COL5A2: variants seen among roughly 807,000 people sequenced by gnomAD.
COL5A2 encodes collagen alpha-2(V) chain.
In COL5A2, 23 loss-of-function variants were observed where a neutral mutation model predicts 208.2. That is an observed-to-expected ratio of 0.11 (90% CI 0.08 to 0.16). The LOEUF is 0.16. Among genes scored for constraint, COL5A2 ranks in the 10% least tolerant of loss-of-function variants. COL5A2 has a pLI of 1.00. For synonymous variants in COL5A2, 625 were observed against 628.5 expected (o/e 0.99, Z 0.08); for missense variants, 1,590 against 1,956.4 (o/e 0.81, Z 3.53).
chr2:189,058,791 C>T (rs376162465), intron 32 of COL5A2, 58 bp downstream of exon 32: 14 of 1,456,928 alleles, frequency 9.6e-6, no homozygotes, highest in Admixed American at 1.7e-5. Context: ...TTAAAAGACA[C>T]CTTTTAAAAC....
chr2:189,254,060 C>T, the COL5A2 span, among the ~76,000 whole-genome samples: 1 of 152,222 alleles, frequency 6.6e-6, no homozygotes, highest in Non-Finnish European at 1.5e-5. Context: ...TCAATACTTA[C>T]TTCTAATGTT....
chr2:189,396,969 C>T, the COL5A2 span, among the ~76,000 whole-genome samples: 34 of 125,150 alleles, frequency 2.7e-4, no homozygotes, highest in African/African-American at 9.2e-4. Context: ...ACAGCCTGGG[C>T]GACAGAGCAA....
chr2:189,090,685 A>G (rs1166445757), intron 7 of COL5A2, among the ~76,000 whole-genome samples: 3 of 152,210 alleles, frequency 2.0e-5, no homozygotes, highest in African/African-American at 4.8e-5. Context: ...TGGAAATCCT[A>G]GCATCCTTAG....
intron 6 of COL5A2, among the ~76,000 whole-genome samples, chr2:189,095,631 G>C (rs1027544028): frequency 2.0e-5 from 3 of 152,104 alleles, no homozygotes; most frequent in African/African-American, 7.2e-5. Context: ...AAGTGAGAAG[G>C]GTTGGGGAGT....
intron 1 of COL5A2, among the ~76,000 whole-genome samples, chr2:189,124,746 T>A (rs969472542): frequency 3.3e-5 from 5 of 151,582 alleles, no homozygotes; most frequent in African/African-American, 4.8e-5. Context: ...TTTTTTTTTT[T>A]AATTTAATCT....
At chr2:189,050,723 T>C (rs1576493989) in intron 42 of COL5A2, 47 bp from the exon 43 acceptor site, 1 of 1,463,372 alleles carries the variant, frequency 6.8e-7, no homozygotes. Flanking sequence ...AGGGTAAAAC[T>C]GTACCCAAGG....
intron 1 of COL5A2, among the ~76,000 whole-genome samples, chr2:189,153,415 T>C (rs926833791): frequency 6.6e-6 from 1 of 152,210 alleles, no homozygotes; most frequent in African/African-American, 2.4e-5. Flanking sequence ...ACCATCCTGG[T>C]AGTCAAGAAT....
chr2:189,059,744 G>A (rs1244623969), intron 31 of COL5A2, among the ~76,000 whole-genome samples: 1 of 151,464 alleles, frequency 6.6e-6, no homozygotes, highest in African/African-American at 2.4e-5. Context: ...ATACAGGCAT[G>A]TGCCACCATG....
chr2:189,127,098 T>G (rs1319185942), intron 1 of COL5A2, among the ~76,000 whole-genome samples: 1 of 151,974 alleles, frequency 6.6e-6, no homozygotes, highest in African/African-American at 2.4e-5. Flanking sequence ...CCTTTTCTTG[T>G]GGAAGTGATG....
chr2:189,094,687 TTACAGATCAAGAAACA>T (rs1240212000), intron 6 of COL5A2, among the ~76,000 whole-genome samples: 3 of 17,862 alleles, frequency 1.7e-4, no homozygotes, highest in Non-Finnish European at 5.2e-4. Context: ...ATTTCCCATT[TTACAGATCAAGAAACA>T]TACCAATAGT....
At chr2:189,054,368 T>C (rs1166629602) in intron 35 of COL5A2, among the ~76,000 whole-genome samples, 156 bp from the exon 36 acceptor site, 2 of 152,234 alleles carry the variant, frequency 1.3e-5, no homozygotes, top group African/African-American at 4.8e-5. Context: ...TCTATATATT[T>C]TCAAGAGTTT....
chr2:189,316,634 A>G, the COL5A2 span, among the ~76,000 whole-genome samples: 5 of 152,054 alleles, frequency 3.3e-5, no homozygotes, highest in Non-Finnish European at 7.4e-5. Context: ...AAAATAATGA[A>G]TGGTTACTAG....
At chr2:189,062,718 G>T in intron 29 of COL5A2, 147 bp downstream of exon 29, 1 of 838,424 alleles carries the variant, frequency 1.2e-6, no homozygotes, top group Non-Finnish European at 2.0e-6. Context: ...GAAATCAAAA[G>T]AGAAGGTATA....
At chr2:189,384,072 T>C in the COL5A2 span, among the ~76,000 whole-genome samples, 1 of 152,172 alleles carries the variant, frequency 6.6e-6, no homozygotes, top group Non-Finnish European at 1.5e-5. Context: ...TTCATGTTTT[T>C]GCAAATGACA....
At chr2:189,399,969 G>A in the COL5A2 span, among the ~76,000 whole-genome samples, 2 of 152,136 alleles carry the variant, frequency 1.3e-5, no homozygotes, top group Admixed American at 6.5e-5. Flanking sequence ...TGAAAGTGCT[G>A]AAATTACAGG....
chr2:189,134,303 T>A (rs1004790796), intron 1 of COL5A2, among the ~76,000 whole-genome samples: 1 of 152,092 alleles, frequency 6.6e-6, no homozygotes, highest in Admixed American at 6.6e-5. Flanking sequence ...AAGTACATCA[T>A]TATCAGCTGG....
chr2:189,283,360 T>C, the COL5A2 span, among the ~76,000 whole-genome samples: 2 of 151,972 alleles, frequency 1.3e-5, no homozygotes, highest in African/African-American at 4.8e-5. Context: ...CCTATGCAAT[T>C]TTTTTGAAAG....
At chr2:189,389,429 A>C in the COL5A2 span, among the ~76,000 whole-genome samples, 7 of 152,194 alleles carry the variant, frequency 4.6e-5, no homozygotes, top group African/African-American at 1.7e-4. Flanking sequence ...AACAATTTTG[A>C]ATGAAATCAT....
Position 189,110,212 on chromosome 2 carries a change from T to G in COL5A2, c.322+13A>C, listed in dbSNP as rs1432101833. 5.0e-6 allele frequency: 8 copies of G among 1,584,176 alleles called. No homozygotes were observed. The highest frequency in any genetic ancestry group is 6.9e-6 in the Non-Finnish European group (8 of 1,153,340). The stretch of plus-strand genomic sequence containing the variant: ...AACTGGATCAATTATGAGTTGGCCC[T>G]AAACATTCTTACCAAAATTGGTATT... On this transcript the variant is annotated intron_variant, in intron 2 of 53. Transcript: ENST00000374866.
Sources: gnomAD v4.1 joint callset for allele counts (sites outside exome capture counted in the v4.1 genomes callset) on GRCh38, gnomAD v4.1.1 for gene constraint, MANE v1.5 for transcripts, NCBI Gene and HGNC (gene_info 2026-07-23, HGNC 2026-07-21) for gene names.